The following TTC17 variants were observed in gnomAD, a reference collection of about 807,000 sequenced individuals.
TTC17 encodes the protein tetratricopeptide repeat domain 17.
A neutral mutation model predicts 143.8 loss-of-function variants in TTC17; 58 were observed. The ratio of observed to expected loss-of-function variants is 0.40; its 90% confidence interval spans 0.33 to 0.50. The LOEUF is 0.50. Ranked by LOEUF, TTC17 falls within the 20% of genes least tolerant of loss-of-function variation. TTC17 has a pLI of 0.49. For synonymous variants in TTC17, 501 were observed against 497.8 expected (o/e 1.01, Z -0.09); for missense variants, 1,273 against 1,392.5 (o/e 0.91, Z 1.37).
chr11:43,379,527 A>C (rs1856885624), intron 2 of TTC17, among the ~76,000 whole-genome samples: 1 of 152,166 alleles, frequency 6.6e-6, no homozygotes. Flanking sequence ...TAGTAGTAAG[A>C]AAAACAGACT....
chr11:43,363,306 C>T (rs753841463), intron 1 of TTC17, among the ~76,000 whole-genome samples: 121 of 152,200 alleles, frequency 8.0e-4, no homozygotes, highest in Non-Finnish European at 6.0e-4. Flanking sequence ...TGGTAATTTA[C>T]TTGCATCAAA....
chr11:43,463,370 T>C (rs1283529401), intron 21 of TTC17, among the ~76,000 whole-genome samples: 7 of 151,954 alleles, frequency 4.6e-5, no homozygotes, highest in Admixed American at 3.9e-4. Context: ...AAGCCAGAAA[T>C]CATACAAAAT....
intron 21 of TTC17, among the ~76,000 whole-genome samples, chr11:43,472,324 C>CA (rs1179136505): frequency 2.6e-5 from 4 of 152,050 alleles, no homozygotes; most frequent in African/African-American, 9.7e-5. Context: ...GCCTGGGTGA[C>CA]AAAGTGAGAC....
chr11:43,405,304 C>T (rs1245309681), intron 11 of TTC17, among the ~76,000 whole-genome samples: 3 of 152,078 alleles, frequency 2.0e-5, no homozygotes, highest in African/African-American at 7.2e-5. Context: ...GGCTTATACC[C>T]GCCCAACCCT....
intron 15 of TTC17, among the ~76,000 whole-genome samples, chr11:43,414,183 T>C (rs1387856545): frequency 6.6e-6 from 1 of 152,148 alleles, no homozygotes; most frequent in Non-Finnish European, 1.5e-5. Context: ...ACATATTACA[T>C]GTACTCATAG....
intron 5 of TTC17, 124 bp downstream of exon 5, chr11:43,392,076 A>G (rs1590344974): frequency 3.5e-6 from 4 of 1,154,728 alleles, no homozygotes; most frequent in East Asian, 2.5e-5. Context: ...ATTTAAAATT[A>G]CACTTACATT....
intron 1 of TTC17, among the ~76,000 whole-genome samples, chr11:43,373,599 A>G (rs896333642): frequency 1.3e-5 from 2 of 152,154 alleles, no homozygotes; most frequent in African/African-American, 2.4e-5. Flanking sequence ...CTGGGATTAC[A>G]GGCGTGAACC....
chr11:43,474,196 G>A (rs1307753545), intron 21 of TTC17, among the ~76,000 whole-genome samples: 1 of 152,158 alleles, frequency 6.6e-6, no homozygotes, highest in Non-Finnish European at 1.5e-5. Context: ...CACAGTGGAG[G>A]CTTCTGCAGC....
Position 43,466,223 on chromosome 11 carries a change from G to A in TTC17, c.3030+14958G>A, listed in dbSNP as rs188949852. On this transcript the variant is annotated intron_variant, in intron 21 of 23. Coordinates refer to ENST00000039989, the MANE Select transcript of TTC17 (RefSeq NM_018259.6). ...AGGAAAATGCAAATCAAACCACAAC[G>A]AGATATCATGTCACACCAATTAGGA... Among the ~76,000 whole-genome samples, 4 of 152,202 alleles carry A rather than the reference G, an allele frequency of 2.6e-5. No individual in the cohort carries two copies. In the East Asian group the frequency reaches 7.7e-4, roughly 29 times the overall value.
chr11:43,491,888 A>C, intron 22 of TTC17, 132 bp from the exon 23 acceptor site: 1 of 1,216,730 alleles, frequency 8.2e-7, no homozygotes, highest in East Asian at 2.4e-5. Flanking sequence ...CAAACAGCAC[A>C]AAAGCACTTT....
At chr11:43,386,886 A>G in intron 2 of TTC17, among the ~76,000 whole-genome samples, 1 of 152,118 alleles carries the variant, frequency 6.6e-6, no homozygotes, top group Non-Finnish European at 1.5e-5. Context: ...GCCTGGGCTC[A>G]AGCAGTCCTC....
In TTC17 at chr11:43,389,644, CT is replaced by C; in HGVS notation, c.250-7del. 6.3e-7 allele frequency: 1 copy of C among 1,599,990 alleles called. No homozygotes were observed. Among genetic ancestry groups the C allele is most frequent in the Non-Finnish European group, 8.5e-7 (1 of 1,175,000 alleles). ...GAATCCATTCTGTTCTTACTTTCTT[CT>C]CAACAGAAACAATTAGTTGCTCAAA... On this transcript the variant is annotated splice_polypyrimidine_tract_variant and splice_region_variant and intron_variant, in intron 2 of 23. Transcript: ENST00000039989.
intron 2 of TTC17, among the ~76,000 whole-genome samples, chr11:43,384,915 A>G (rs181309054): frequency 6.6e-6 from 1 of 152,360 alleles, no homozygotes; most frequent in East Asian, 1.9e-4. Context: ...GGTAAAGAAC[A>G]GTGGGCCTGT....
Position 43,450,239 on chromosome 11 carries a change from G to A in TTC17, c.2944G>A (p.Glu982Lys). 6.2e-7 allele frequency: 1 copy of A among 1,613,232 alleles called. No individual in the cohort carries two copies. The highest frequency in any genetic ancestry group is 8.5e-7 in the Non-Finnish European group (1 of 1,179,566). ...LHYTGESQLT[E>K]VLQNLGKDQY... Reference sequence around the variant, plus strand: ...CTACACAGGGGAGAGTCAGTTAACAGAGGTGAGTGCTCGGCTTTGTTCAGG... The same window carrying A: ...CTACACAGGGGAGAGTCAGTTAACAAAGGTGAGTGCTCGGCTTTGTTCAGG... The change falls in exon 20 of 24, where the codon GAG (glutamate) becomes AAG (lysine). Residue 982 changes from glutamate to lysine, a missense_variant and splice_region_variant. By Grantham distance (56) the Glu-to-Lys change is moderately conservative. Around this residue, in one of 3 missense-constraint regions of TTC17, gnomAD observed 878 missense variants for 899.8 expected, o/e 0.98. Coordinates refer to ENST00000039989, the MANE Select transcript of TTC17 (RefSeq NM_018259.6).
chr11:43,410,958 A>G (rs1044989627), intron 15 of TTC17, among the ~76,000 whole-genome samples: 6 of 152,238 alleles, frequency 3.9e-5, no homozygotes, highest in Admixed American at 3.3e-4. Context: ...CATCCAAACC[A>G]TAATTATTTT....
intron 22 of TTC17, 134 bp from the exon 23 acceptor site, chr11:43,491,886 A>C: frequency 8.5e-7 from 1 of 1,178,288 alleles, no homozygotes; most frequent in Non-Finnish European, 1.2e-6. Context: ...AGCAAACAGC[A>C]CAAAAGCACT....
At chr11:43,480,216 A>G (rs963362158) in intron 21 of TTC17, among the ~76,000 whole-genome samples, 1 of 152,220 alleles carries the variant, frequency 6.6e-6, no homozygotes, top group African/African-American at 2.4e-5. Flanking sequence ...GCAAATGGTT[A>G]GTAGAAGCTT....
At chr11:43,408,174 A>G (rs576089915) in intron 15 of TTC17, among the ~76,000 whole-genome samples, 8 of 152,304 alleles carry the variant, frequency 5.3e-5, no homozygotes, top group Admixed American at 3.3e-4. Context: ...TTTAGGTTTC[A>G]TGAAATTCAG....
At chr11:43,444,704 G>A (rs1297253087) in intron 18 of TTC17, among the ~76,000 whole-genome samples, 1 of 146,226 alleles carries the variant, frequency 6.8e-6, no homozygotes, top group African/African-American at 2.6e-5. Context: ...AGCGTACATA[G>A]GCAGTTCACC....
Sources: gnomAD v4.1 joint callset for allele counts (sites outside exome capture counted in the v4.1 genomes callset) on GRCh38, gnomAD v4.1.1 for gene constraint, gnomAD v4.1.1 regional missense constraint, MANE v1.5 for transcripts, NCBI Gene and HGNC (gene_info 2026-07-23, HGNC 2026-07-21) for gene names.